COL23A1: variants seen among roughly 807,000 people sequenced by gnomAD.
COL23A1 encodes the protein collagen type XXIII alpha 1 chain, also known as collagen alpha-1(XXIII) chain.
A neutral mutation model predicts 99.3 loss-of-function variants in COL23A1; 97 were observed. The observed-to-expected ratio is 0.98, with a 90% CI of 0.83 to 1.16. COL23A1 has a LOEUF of 1.16. Among genes scored for constraint, COL23A1 ranks in the 50% most tolerant of loss-of-function variants. The pLI, the probability that COL23A1 is intolerant of heterozygous loss-of-function variation, is 0.00. For synonymous variants in COL23A1, 320 were observed against 308.2 expected (o/e 1.04, Z -0.40); for missense variants, 762 against 757.4 (o/e 1.01, Z -0.07).
At chr5:178,399,910 G>A (rs570145595) in intron 2 of COL23A1, among the ~76,000 whole-genome samples, 45 of 152,270 alleles carry the variant, frequency 3.0e-4, no homozygotes, top group Non-Finnish European at 5.0e-4. Context: ...ATCTGTCTCC[G>A]GATCCACCCG....
rs867567403 is a variant in COL23A1 at position 178,389,543 on chromosome 5, G to A, written c.362-82624C>T. Among the ~76,000 whole-genome samples the A allele has an allele frequency of 5.3e-5, 8 of 152,276 alleles. No homozygotes were observed. In the South Asian group the frequency reaches 1.5e-3, roughly 28 times the overall value. On this transcript the variant is annotated intron_variant, in intron 2 of 28. Transcript: ENST00000390654. Reference sequence around the variant, plus strand: ...CACATTCTCATCCCTCCTCACAGAGGGTGCCCACTGACACTAATTCAATGA... The same window carrying A: ...CACATTCTCATCCCTCCTCACAGAGAGTGCCCACTGACACTAATTCAATGA...
At chr5:178,522,206 T>G (rs1355498723) in intron 2 of COL23A1, among the ~76,000 whole-genome samples, 1 of 152,228 alleles carries the variant, frequency 6.6e-6, no homozygotes, top group East Asian at 1.9e-4. Flanking sequence ...TTTCGGTTTA[T>G]GAAATGAAAT....
intron 2 of COL23A1, among the ~76,000 whole-genome samples, chr5:178,408,397 C>T (rs1438182668): frequency 6.6e-6 from 1 of 152,000 alleles, no homozygotes; most frequent in Non-Finnish European, 1.5e-5. Context: ...ACACAGTAAG[C>T]AAAAATATGG....
intron 2 of COL23A1, among the ~76,000 whole-genome samples, chr5:178,400,793 A>G (rs1764407011): frequency 6.6e-6 from 1 of 152,012 alleles, no homozygotes; most frequent in African/African-American, 2.4e-5. Context: ...ACCTGCCACT[A>G]CGCCCGGCTA....
At chr5:178,282,674 T>C (rs2127578106) in intron 5 of COL23A1, among the ~76,000 whole-genome samples, 1 of 152,264 alleles carries the variant, frequency 6.6e-6, no homozygotes, top group East Asian at 1.9e-4. Flanking sequence ...ACCACTAGCC[T>C]CCCATGGTGA....
At chr5:178,584,813 T>G (rs1763839548) in intron 1 of COL23A1, among the ~76,000 whole-genome samples, 1 of 152,188 alleles carries the variant, frequency 6.6e-6, no homozygotes, top group Admixed American at 6.5e-5. Context: ...TCTGGTAGAC[T>G]GACTACCTTG....
At chr5:178,579,859 C>T (rs1763571495) in intron 1 of COL23A1, among the ~76,000 whole-genome samples, 1 of 152,188 alleles carries the variant, frequency 6.6e-6, no homozygotes, top group Non-Finnish European at 1.5e-5. Flanking sequence ...TCATTGTTTC[C>T]ACCAGGTCTG....
At chr5:178,509,322 A>T (rs1759066569) in intron 2 of COL23A1, among the ~76,000 whole-genome samples, 1 of 152,058 alleles carries the variant, frequency 6.6e-6, no homozygotes. Flanking sequence ...CCTAGGTTCA[A>T]GCAATTCTCT....
chr5:178,292,899 A>C (rs756070028), intron 3 of COL23A1, among the ~76,000 whole-genome samples: 1 of 152,120 alleles, frequency 6.6e-6, no homozygotes, highest in South Asian at 2.1e-4. Flanking sequence ...AAAGTAGAGA[A>C]AGTGTCTCAG....
In COL23A1 at chr5:178,349,556, G is replaced by A. The variant is rs1321489756; in HGVS notation, c.362-42637C>T. ...GGCAGGGCCACCCCCCACGCCCCAC[G>A]CCTGGCCTCCCGTGCCTCCCGCTTC... On this transcript the variant is annotated intron_variant, in intron 2 of 28. Transcript: ENST00000390654. Among the ~76,000 whole-genome samples the A allele has an allele frequency of 5.4e-5, 4 of 73,914 alleles. No homozygotes were observed. In the South Asian group the frequency reaches 1.4e-3, roughly 25 times the overall value. 48.5% of individuals were successfully genotyped at this position (73,914 alleles called of 152,430 possible). A position where few individuals can be genotyped will look rare whatever the true frequency, so the allele number is the denominator to read the frequency against.
chr5:178,357,889 GTGTGTA>G (rs1404847549), intron 2 of COL23A1, among the ~76,000 whole-genome samples: 107 of 144,698 alleles, frequency 7.4e-4, no homozygotes, highest in African/African-American at 2.6e-3. Context: ...GTGTACGTGT[GTGTGTA>G]TGTGTGTCTA....
At chr5:178,502,800 A>G (rs1233988032) in intron 2 of COL23A1, among the ~76,000 whole-genome samples, 1 of 152,250 alleles carries the variant, frequency 6.6e-6, no homozygotes, top group African/African-American at 2.4e-5. Context: ...GAAGACGTGC[A>G]CAGAGACGTT....
At chr5:178,520,190 T>TGGATGGATGGCTGGTAAGGAA (rs1429874102) in intron 2 of COL23A1, among the ~76,000 whole-genome samples, 5 of 152,062 alleles carry the variant, frequency 3.3e-5, no homozygotes, top group Non-Finnish European at 7.4e-5. Context: ...CATCGAAGGA[T>TGGATGGATGGCTGGTAAGGAA]GGATGGATGG....
chr5:178,567,530 G>T (rs571749882), intron 1 of COL23A1, among the ~76,000 whole-genome samples: 1 of 152,274 alleles, frequency 6.6e-6, no homozygotes, highest in East Asian at 1.9e-4. Flanking sequence ...ATTACTTGAG[G>T]TCAGGAGTTC....
At chr5:178,290,621 G>C (rs1757406100) in intron 3 of COL23A1, among the ~76,000 whole-genome samples, 1 of 152,228 alleles carries the variant, frequency 6.6e-6, no homozygotes, top group Admixed American at 6.5e-5. Context: ...ATGGGTGCAT[G>C]CATTCATGTC....
Position 178,562,249 on chromosome 5 carries a change from G to C in COL23A1, c.295-1501C>G. On this transcript the variant is annotated intron_variant, in intron 1 of 28. Transcript: ENST00000390654. ...AGAGCGAGACTCCATCTCAAAAAAA[G>C]AAAAAAAAAAAAAAAAAGAATGGAG... The C allele has an allele frequency of 3.1e-5, 6 of 192,844 alleles. No individual in the cohort carries two copies. In the East Asian group the frequency reaches 5.8e-4, roughly 19 times the overall value. The allele number at this position is 192,844 out of a possible 1,614,324, so 11.9% of individuals were successfully genotyped here.
chr5:178,565,641 A>G (rs1046633015), intron 1 of COL23A1, among the ~76,000 whole-genome samples: 4 of 152,132 alleles, frequency 2.6e-5, no homozygotes, highest in Admixed American at 2.6e-4. Flanking sequence ...CTATTATCTT[A>G]TCTATTCCTC....
intron 2 of COL23A1, among the ~76,000 whole-genome samples, chr5:178,324,144 G>T (rs1330902614): frequency 6.6e-6 from 1 of 151,340 alleles, no homozygotes; most frequent in Non-Finnish European, 1.5e-5. Flanking sequence ...AGGCCCTTTT[G>T]GGGGCACGAG....
intron 2 of COL23A1, among the ~76,000 whole-genome samples, chr5:178,535,481 T>A (rs964396790): frequency 5.9e-5 from 9 of 152,240 alleles, no homozygotes; most frequent in Admixed American, 1.3e-4. Context: ...GCGCTCTGTA[T>A]ACCGCATGCC....
Sources: gnomAD v4.1 joint callset for allele counts (sites outside exome capture counted in the v4.1 genomes callset) on GRCh38, gnomAD v4.1.1 for gene constraint, MANE v1.5 for transcripts, NCBI Gene and HGNC (gene_info 2026-07-23, HGNC 2026-07-21) for gene names.